The following AKAP9 variants were observed in gnomAD, a reference collection of about 807,000 sequenced individuals.
The protein encoded by AKAP9 is A-kinase anchor protein 9.
AKAP9 carries 311 observed loss-of-function variants against 488.5 expected under a neutral mutation model. The observed-to-expected ratio is 0.64, with a 90% CI of 0.58 to 0.70. The LOEUF is 0.70. Ranked by LOEUF, AKAP9 falls within the 30% of genes least tolerant of loss-of-function variation. The pLI is 0.00. For missense variants in AKAP9, 4,215 were observed against 4,374.5 expected, an observed-to-expected ratio of 0.96 and a Z score of 1.03; for synonymous variants, 1,462 against 1,483.5, an observed-to-expected ratio of 0.99 and a Z score of 0.33.
chr7:92,005,045 C>T (rs1336870860), intron 8 of AKAP9, among the ~76,000 whole-genome samples: 2 of 152,212 alleles, frequency 1.3e-5, no homozygotes, highest in East Asian at 3.9e-4. Flanking sequence ...TGAATTTTGT[C>T]CAAGGCCTTT....
intron 18 of AKAP9, 141 bp downstream of exon 18, chr7:92,041,039 A>G: frequency 5.9e-6 from 4 of 672,426 alleles, no homozygotes; most frequent in South Asian, 3.9e-5. Context: ...TGAATAAACT[A>G]CATATATTTA....
chr7:91,991,195 T>G (rs1254398922), intron 3 of AKAP9, among the ~76,000 whole-genome samples: 1 of 152,184 alleles, frequency 6.6e-6, no homozygotes, highest in African/African-American at 2.4e-5. Flanking sequence ...AGTAAAATAT[T>G]TTAGAGGACA....
At position 92,086,208 on chromosome 7, in the gene AKAP9, C is replaced by T. The variant is rs760038337; in HGVS notation, c.9025-20C>T. On this transcript the variant is annotated intron_variant, in intron 36 of 49. Coordinates refer to ENST00000356239, the MANE Select transcript of AKAP9 (RefSeq NM_005751.5). ...ACATGCTTATTTGAAAACTAACTAT[C>T]GTTATATGTACTTTGCTAGGTTTAT... 3.1e-5 allele frequency: 49 copies of T among 1,595,036 alleles called. No individual in the cohort carries two copies. The South Asian group carries it at 3.8e-4, about 12-fold the overall frequency.
intron 38 of AKAP9, chr7:92,092,821 A>G: frequency 5.8e-6 from 2 of 342,300 alleles, no homozygotes; most frequent in South Asian, 5.6e-5. Context: ...TAATTTTTGT[A>G]TTTTTAGTAG....
intron 8 of AKAP9, among the ~76,000 whole-genome samples, chr7:92,007,392 C>T (rs1188764141): frequency 1.4e-5 from 2 of 141,582 alleles, no homozygotes; most frequent in Non-Finnish European, 3.0e-5. Context: ...GGTGGGATTA[C>T]AGGTGGCCTC....
At chr7:92,015,347 C>T (rs1049085698) in intron 10 of AKAP9, among the ~76,000 whole-genome samples, 6 of 150,436 alleles carry the variant, frequency 4.0e-5, no homozygotes, top group Non-Finnish European at 5.9e-5. Context: ...CTACATAAAA[C>T]TATTCTCATG....
At chr7:92,026,241 A>G (rs997403952) in intron 14 of AKAP9, among the ~76,000 whole-genome samples, 1 of 152,200 alleles carries the variant, frequency 6.6e-6, no homozygotes, top group African/African-American at 2.4e-5. Context: ...AGTTTACGCC[A>G]GACTGTTTTT....
chr7:92,098,298 C>A (rs1447967938), intron 43 of AKAP9, 84 bp downstream of exon 43: 5 of 737,806 alleles, frequency 6.8e-6, no homozygotes, highest in Non-Finnish European at 1.2e-5. Context: ...GCAGCATATT[C>A]TTTATACTCT....
intron 23 of AKAP9, among the ~76,000 whole-genome samples, chr7:92,062,034 A>T (rs1023444238): frequency 6.6e-6 from 1 of 152,236 alleles, no homozygotes; most frequent in Non-Finnish European, 1.5e-5. Context: ...GCAAAGTATT[A>T]GAAAATTCAG....
intron 1 of AKAP9, chr7:91,970,621 T>C: frequency 2.6e-6 from 1 of 390,182 alleles, no homozygotes; most frequent in Admixed American, 3.5e-5. Flanking sequence ...TGGCTGTTTT[T>C]TTCCTTCAGC....
Position 92,100,962 on chromosome 7 carries a change from G to A in AKAP9, c.11003G>A (p.Arg3668Lys). ...EKLTLQKSLK[R>K]AEAEVYKLKA... ...TTGACTCTCCAGAAATCTTTGAAAA[G>A]GGCAGAGGCTGAAGTATACAAACTG... is the stretch of plus-strand genomic sequence containing the variant. The change falls in exon 45 of 50, where the codon AGG becomes AAG. Residue 3668 changes from arginine to lysine, a missense_variant. Physicochemically the swap from Arg to Lys is conservative, Grantham distance 26 (BLOSUM62 2). Around this residue, in one of 5 missense-constraint regions of AKAP9, gnomAD observed 74 missense variants for 113.0 expected, o/e 0.65. Coordinates refer to ENST00000356239, the MANE Select transcript of AKAP9 (RefSeq NM_005751.5). The A allele has an allele frequency of 6.2e-7, 1 of 1,614,106 alleles. No homozygotes were observed. Among genetic ancestry groups the A allele is most frequent in the Admixed American group, 1.7e-5 (1 of 60,016 alleles).
intron 37 of AKAP9, 35 bp from the exon 38 acceptor site, chr7:92,089,350 G>A (rs757395085): frequency 6.2e-7 from 1 of 1,608,814 alleles, no homozygotes; most frequent in Admixed American, 1.7e-5. Context: ...CCTTTACATT[G>A]CTCTTCACTT....
rs1161458291 is a variant in AKAP9, at chr7:92,089,256, A to G, written c.9214-129A>G. On this transcript the variant is annotated intron_variant, in intron 37 of 49. Coordinates refer to ENST00000356239, the MANE Select transcript of AKAP9 (RefSeq NM_005751.5). Reference sequence around the variant, plus strand: ...TCCTCATACATTTTGGAAAGGAAAAATAAGAAAATTTTTTAAAAAAGAAAA... The same window carrying G: ...TCCTCATACATTTTGGAAAGGAAAAGTAAGAAAATTTTTTAAAAAAGAAAA... 4 of 927,790 alleles carry G rather than the reference A, an allele frequency of 4.3e-6. No homozygotes were observed. The East Asian group carries it at 1.1e-4, about 25-fold the overall frequency. 57.5% of individuals were successfully genotyped at this position (927,790 alleles called of 1,614,324 possible). A position where few individuals can be genotyped will look rare whatever the true frequency, so the allele number is the denominator to read the frequency against.
chr7:92,062,624 C>A, intron 24 of AKAP9, 138 bp downstream of exon 24: 1 of 750,728 alleles, frequency 1.3e-6, no homozygotes, highest in Non-Finnish European at 2.2e-6. Flanking sequence ...ATAAGAAAAT[C>A]TACCTTAGAG....
chr7:91,973,041 G>T (rs114426192), intron 1 of AKAP9, among the ~76,000 whole-genome samples: 50 of 152,274 alleles, frequency 3.3e-4, no homozygotes, highest in African/African-American at 1.2e-3. Context: ...GTAGTGCTCT[G>T]TGTGTGCATG....
In AKAP9 at chr7:91,995,684, A is replaced by C. The variant is rs761521944; in HGVS notation, c.814A>C (p.Thr272Pro). ...ACTACAAGCCAAACAACAGATCCTC[A>C]CTCATCAACAGCAGCTTGAAGAACA... ...DLLQAKQQIL[T>P]HQQQLEEQDH... The change falls in exon 7 of 50, where the codon ACT becomes CCT. Residue 272 changes from threonine to proline, a missense_variant. By Grantham distance (38) the Thr-to-Pro change is conservative. Coordinates refer to ENST00000356239, the MANE Select transcript of AKAP9 (RefSeq NM_005751.5). 1 of 1,614,006 alleles carries C rather than the reference A, an allele frequency of 6.2e-7. No individual in the cohort carries two copies. The highest frequency in any genetic ancestry group is 1.7e-5 in the Admixed American group (1 of 59,994).
At position 92,038,772 on chromosome 7, in the gene AKAP9, T is replaced by A; in HGVS notation, c.4692T>A (p.Ser1564=). ...SKDKTFIVRQ[S]IHDEISVSSM... ...ATAAAACATTTATAGTTAGACAGTCTGTAAGTATGCCTCCTTGAATATAAA... is the reference window on the plus strand; with the variant it reads ...ATAAAACATTTATAGTTAGACAGTCAGTAAGTATGCCTCCTTGAATATAAA... Residue 1564 remains serine, a splice_region_variant and synonymous_variant, in exon 17 of 50, where the codon TCT becomes TCA. Transcript: ENST00000356239. 6.3e-7 allele frequency: 1 copy of A among 1,577,568 alleles called. No individual in the cohort carries two copies. Among genetic ancestry groups the A allele is most frequent in the Non-Finnish European group, 8.7e-7 (1 of 1,151,636 alleles).
chr7:92,035,958 A>G (rs540027989), intron 16 of AKAP9, among the ~76,000 whole-genome samples: 2 of 151,676 alleles, frequency 1.3e-5, no homozygotes, highest in East Asian at 3.9e-4. Flanking sequence ...TCCTTTTTGC[A>G]TCTTAGGCCA....
rs1326308376 is a variant in AKAP9 at position 92,110,505 on chromosome 7, T to C, written c.*346T>C. 2 of 288,608 alleles carry C rather than the reference T, an allele frequency of 6.9e-6. No individual in the cohort carries two copies. Among genetic ancestry groups the C allele is most frequent in the Non-Finnish European group, 1.3e-5 (2 of 155,598 alleles). The allele number at this position is 288,608 out of a possible 1,614,324, so 17.9% of individuals were successfully genotyped here. On this transcript the variant is annotated 3_prime_UTR_variant, in exon 50 of 50. Coordinates refer to ENST00000356239, the MANE Select transcript of AKAP9 (RefSeq NM_005751.5). The stretch of plus-strand genomic sequence containing the variant: ...TGTAGCTCGAGGTGTCCTGCACTTT[T>C]CTTATAAGGCTACTGAAGTTACATG...
Sources: allele counts gnomAD v4.1 joint callset (sites outside exome capture counted in the v4.1 genomes callset), GRCh38; gene constraint gnomAD v4.1.1; regional missense constraint gnomAD v4.1.1; transcripts MANE v1.5; gene names NCBI Gene and HGNC (gene_info 2026-07-23, HGNC 2026-07-21).